Variants in TLE1 observed in about 807,000 individuals in gnomAD.
TLE1 encodes TLE family member 1, transcriptional corepressor.
TLE1 carries 21 observed loss-of-function variants against 89.8 expected under a neutral mutation model. The observed-to-expected ratio is 0.23, with a 90% CI of 0.17 to 0.34. The LOEUF is 0.34. TLE1 is among the 10% of genes least tolerant of loss of function. TLE1 has a pLI of 1.00. For missense variants in TLE1, 795 were observed against 1,031.2 expected (o/e 0.77, Z 3.14); for synonymous variants, 447 against 407.6 (o/e 1.10, Z -1.16).
intron 17 of TLE1, among the ~76,000 whole-genome samples, 166 bp from the exon 18 acceptor site, chr9:81,585,821 T>C (rs557149406): frequency 1.3e-5 from 2 of 152,278 alleles, no homozygotes; most frequent in East Asian, 3.9e-4. Flanking sequence ...ATGAACCAAG[T>C]GTCAAAACCT....
At chr9:81,648,667 C>T (rs189078051) in intron 6 of TLE1, among the ~76,000 whole-genome samples, 1 of 152,236 alleles carries the variant, frequency 6.6e-6, no homozygotes, top group Admixed American at 6.5e-5. Context: ...TTCCAAACTC[C>T]CCAAATAATA....
chr9:81,660,473 G>A (rs1830632797), intron 4 of TLE1, among the ~76,000 whole-genome samples: 1 of 151,884 alleles, frequency 6.6e-6, no homozygotes, highest in Non-Finnish European at 1.5e-5. Context: ...GAGAGCAGTG[G>A]CGCGATCTCG....
At chr9:81,620,988 A>G (rs1825173224) in intron 8 of TLE1, 2 of 436,056 alleles carry the variant, frequency 4.6e-6, no homozygotes, top group South Asian at 1.8e-5. Context: ...CTAAAAAGGC[A>G]CAAAGGAAGC....
At chr9:81,675,785 C>G (rs951388144) in intron 4 of TLE1, among the ~76,000 whole-genome samples, 7 of 149,210 alleles carry the variant, frequency 4.7e-5, no homozygotes, top group African/African-American at 1.5e-4. Flanking sequence ...ACCACAACCT[C>G]CAACCCCCTG....
intron 7 of TLE1, 122 bp downstream of exon 7, chr9:81,633,975 T>C (rs1358006314): frequency 1.8e-6 from 2 of 1,126,430 alleles, no homozygotes; most frequent in Non-Finnish European, 2.4e-6. Flanking sequence ...TTTGCGACAG[T>C]TCCTCTTATC....
Position 81,627,317 on chromosome 9 carries a change from A to AT in TLE1, c.594+6030_594+6031insA, listed in dbSNP as rs559953876. On this transcript the variant is annotated intron_variant, in intron 8 of 19. Transcript: ENST00000376499. Reference sequence around the variant, plus strand: ...TTTTGGAGGGAAAAATTGTTCTCTCACTTTTTTTTTTTTAAGAGTAAAGAT... The same window carrying AT: ...TTTTGGAGGGAAAAATTGTTCTCTCATCTTTTTTTTTTTTAAGAGTAAAGAT... Among the ~76,000 whole-genome samples the AT allele has an allele frequency of 5.3e-4, 68 of 128,972 alleles. 4 individuals carry two copies. In the South Asian group the frequency reaches 0.013, roughly 24 times the overall value. 84.6% of individuals were successfully genotyped at this position (128,972 alleles called of 152,430 possible).
intron 1 of TLE1, 21 bp downstream of exon 1, chr9:81,688,196 C>G (rs765804625): frequency 1.3e-6 from 2 of 1,599,590 alleles, no homozygotes; most frequent in South Asian, 1.1e-5. Flanking sequence ...GGCCCCCCAC[C>G]ACCACCCAGC....
chr9:81,638,782 G>A (rs1326063070), intron 6 of TLE1, among the ~76,000 whole-genome samples: 1 of 151,878 alleles, frequency 6.6e-6, no homozygotes, highest in Non-Finnish European at 1.5e-5. Flanking sequence ...ACACCACCAC[G>A]CCCAGCTAAT....
chr9:81,651,851 GT>G (rs1255318305), intron 6 of TLE1, among the ~76,000 whole-genome samples: 1 of 152,052 alleles, frequency 6.6e-6, no homozygotes, highest in East Asian at 1.9e-4. Context: ...GGGCAAGGGG[GT>G]GCCTGCCTTT....
At chr9:81,614,740 G>A (rs1046679893) in intron 11 of TLE1, among the ~76,000 whole-genome samples, 5 of 152,014 alleles carry the variant, frequency 3.3e-5, no homozygotes, top group African/African-American at 4.8e-5. Flanking sequence ...CACATGAGTG[G>A]GTTCTGATGC....
chr9:81,688,424 C>T lies in TLE1; in HGVS notation c.-184G>A, dbSNP rs1211561156. 53 of 586,460 alleles carry T rather than the reference C, an allele frequency of 9.0e-5. 1 individual carries two copies. The South Asian group carries it at 1.7e-3, about 18-fold the overall frequency. 36.3% of individuals were successfully genotyped at this position (586,460 alleles called of 1,614,324 possible). A position where few individuals can be genotyped will look rare whatever the true frequency, so the allele number is the denominator to read the frequency against. Reference sequence around the variant, plus strand: ...GCGCCCGCAGCTGCTCCGGCTCCCGCTCCCGTCGGTGCGGGCTCCGGCCCT... The same window carrying T: ...GCGCCCGCAGCTGCTCCGGCTCCCGTTCCCGTCGGTGCGGGCTCCGGCCCT... On this transcript the variant is annotated 5_prime_UTR_variant, in exon 1 of 20. Transcript: ENST00000376499.
At chr9:81,676,219 C>T (rs918692934) in intron 4 of TLE1, among the ~76,000 whole-genome samples, 1 of 152,120 alleles carries the variant, frequency 6.6e-6, no homozygotes, top group African/African-American at 2.4e-5. Flanking sequence ...ATAAGGAGTA[C>T]CCAAAACACA....
Position 81,630,940 on chromosome 9 carries a change from G to A in TLE1, c.594+2408C>T, listed in dbSNP as rs1826512978. On this transcript the variant is annotated intron_variant, in intron 8 of 19. Coordinates refer to ENST00000376499, the MANE Select transcript of TLE1 (RefSeq NM_005077.5). ...TCTATGGACTGAATTAAATGCTTAGGTTACAATTAGTGTAGTTTTCCCATT... is the reference window on the plus strand; with the variant it reads ...TCTATGGACTGAATTAAATGCTTAGATTACAATTAGTGTAGTTTTCCCATT... 2.6e-5 allele frequency among the ~76,000 whole-genome samples: 4 copies of A among 152,240 alleles called. No individual in the cohort carries two copies. In the South Asian group the frequency reaches 6.2e-4, roughly 24 times the overall value.
Position 81,685,901 on chromosome 9 carries a change from G to A in TLE1, c.126-5C>T. 6.2e-7 allele frequency: 1 copy of A among 1,612,890 alleles called. No homozygotes were observed. On this transcript the variant is annotated splice_region_variant and splice_polypyrimidine_tract_variant and intron_variant, in intron 2 of 19. Transcript: ENST00000376499. ...TTCTCACATTCCAATTTAAGGCTAG[G>A]AAAACAAAACAGGCAACTTAATGTA...
At chr9:81,608,447 G>C (rs965183121) in intron 14 of TLE1, among the ~76,000 whole-genome samples, 4 of 152,128 alleles carry the variant, frequency 2.6e-5, no homozygotes, top group African/African-American at 9.7e-5. Context: ...CTAGGAGGTC[G>C]AGGCTGCAGT....
chr9:81,671,627 AGAGT>A (rs1278459888), intron 4 of TLE1, among the ~76,000 whole-genome samples: 1 of 152,056 alleles, frequency 6.6e-6, no homozygotes, highest in African/African-American at 2.4e-5. Flanking sequence ...CCTGGGCGAC[AGAGT>A]GAGACTCCGT....
At chr9:81,683,783 A>G (rs938647522) in intron 4 of TLE1, among the ~76,000 whole-genome samples, 2 of 152,158 alleles carry the variant, frequency 1.3e-5, no homozygotes, top group Admixed American at 6.5e-5. Flanking sequence ...GCATATTATT[A>G]ATGCATACAG....
In TLE1 at chr9:81,610,271, A is replaced by G. The variant is rs758090707; in HGVS notation, c.1280T>C (p.Met427Thr). ...GTTTGGAGGAATGGTAGGTACTCTC[A>G]TGTGAGGGGGAGGATCAAACCCCAC... is the stretch of plus-strand genomic sequence containing the variant. ...PMVGFDPPPH[M>T]RVPTIPPNLA... is the part of the protein sequence containing the mutation. Residue 427 changes from methionine to threonine, a missense_variant, in exon 14 of 20, where the codon ATG becomes ACG. Met to Thr is a moderately conservative substitution (Grantham distance 81). This residue lies in a region of TLE1 where 468 missense variants were observed against 509.1 expected (regional missense o/e 0.92). Coordinates refer to ENST00000376499, the MANE Select transcript of TLE1 (RefSeq NM_005077.5). 8 of 1,613,938 alleles carry G rather than the reference A, an allele frequency of 5.0e-6. No homozygotes were observed. Among genetic ancestry groups the G allele is most frequent in the Non-Finnish European group, 5.9e-6 (7 of 1,180,030 alleles).
At chr9:81,675,962 G>A (rs529396656) in intron 4 of TLE1, among the ~76,000 whole-genome samples, 4 of 152,204 alleles carry the variant, frequency 2.6e-5, no homozygotes, top group Admixed American at 2.0e-4. Context: ...GCCTCCCAAA[G>A]TGCTGGGATT....
Sources: gnomAD v4.1 joint callset for allele counts (sites outside exome capture counted in the v4.1 genomes callset) on GRCh38, gnomAD v4.1.1 for gene constraint, gnomAD v4.1.1 regional missense constraint, MANE v1.5 for transcripts, NCBI Gene and HGNC (gene_info 2026-07-23, HGNC 2026-07-21) for gene names.